Variants in ATP10A observed in about 807,000 individuals in gnomAD.
The protein encoded by ATP10A is phospholipid-transporting ATPase VA.
A neutral mutation model predicts 147.8 loss-of-function variants in ATP10A; 111 were observed. The ratio of observed to expected loss-of-function variants is 0.75; its 90% CI spans 0.64 to 0.88. The LOEUF (loss-of-function observed/expected upper bound fraction) is 0.88. ATP10A is among the 40% of genes least tolerant of loss of function. ATP10A has a pLI of 0.00. For synonymous variants in ATP10A, 875 were observed against 841.6 expected, an observed-to-expected ratio of 1.04 and a Z score of -0.69; for missense variants, 1,927 against 1,959.0, an observed-to-expected ratio of 0.98 and a Z score of 0.31.
rs778885979 is a variant in ATP10A at position 25,679,768 on chromosome 15, T to C, written c.4073A>G (p.Gln1358Arg). The C allele has an allele frequency of 3.1e-6, 5 of 1,613,026 alleles. No individual in the cohort carries two copies. Among genetic ancestry groups the C allele is most frequent in the Admixed American group, 1.7e-5 (1 of 60,004 alleles). ...VPLSQPSWHT[Q>R]QPVCSLEASG... ...GGCCTCCAGGGAGCAGACCGGCTGC[T>C]GTGTGTGCCAAGAAGGCTGGGACAG... is the stretch of plus-strand genomic sequence containing the variant. The change falls in exon 21 of 21, where the codon CAG (glutamine) becomes CGG (arginine). Residue 1358 changes from glutamine (Q) to arginine (R), a missense_variant. By Grantham distance (43) the Gln-to-Arg change is conservative. Coordinates refer to ENST00000555815, the MANE Select transcript of ATP10A (RefSeq NM_024490.4).
chr15:25,735,902 G>A (rs367815746), intron 3 of ATP10A, among the ~76,000 whole-genome samples, 154 bp downstream of exon 3: 1 of 152,298 alleles, frequency 6.6e-6, no homozygotes, highest in South Asian at 2.1e-4. Context: ...TCCAAAAGCA[G>A]CCAAGAAGGC....
intron 4 of ATP10A, among the ~76,000 whole-genome samples, chr15:25,726,482 C>A (rs1567336199): frequency 6.7e-6 from 1 of 150,312 alleles, no homozygotes; most frequent in Non-Finnish European, 1.5e-5. Context: ...TACTCTGTTG[C>A]CCAGGCTGGA....
intron 1 of ATP10A, among the ~76,000 whole-genome samples, chr15:25,787,316 C>T (rs1890216667): frequency 6.6e-6 from 1 of 152,042 alleles, no homozygotes; most frequent in South Asian, 2.1e-4. Flanking sequence ...TATCACTAAG[C>T]TTGAGAAACG....
At chr15:25,744,942 TG>T (rs1375090804) in intron 2 of ATP10A, among the ~76,000 whole-genome samples, 1 of 152,184 alleles carries the variant, frequency 6.6e-6, no homozygotes, top group African/African-American at 2.4e-5. Flanking sequence ...AAACCGCAGA[TG>T]CAAGAACTTT....
rs776813047 is a variant in ATP10A at position 25,680,297 on chromosome 15, G to A, written c.3690C>T (p.Asn1230=). 5 of 1,614,194 alleles carry A rather than the reference G, an allele frequency of 3.1e-6. No homozygotes were observed. ...GGACACTGAAGCCACACGTTATCCA[G>A]TTGAGCCAGGTCTGAGGGGGAATGA... is the stretch of plus-strand genomic sequence containing the variant. ...GIETKTWTWL[N]WITCGFSVLL... is the part of the protein sequence containing the mutation. The change falls in exon 20 of 21, where the codon AAC becomes AAT. Residue 1230 remains asparagine, a synonymous_variant. Transcript: ENST00000555815.
At chr15:25,727,383 T>C in intron 3 of ATP10A, 117 bp from the exon 4 acceptor site, 1 of 932,284 alleles carries the variant, frequency 1.1e-6, no homozygotes, top group Admixed American at 2.1e-5. Flanking sequence ...GCCGCTGGGA[T>C]CTGGACTGGG....
At chr15:25,772,442 G>T (rs28615691) in intron 2 of ATP10A, among the ~76,000 whole-genome samples, 35 of 152,022 alleles carry the variant, frequency 2.3e-4, no homozygotes, top group African/African-American at 8.0e-4. Flanking sequence ...CGTGGCCCAC[G>T]CAGGCTCACT....
intron 8 of ATP10A, 113 bp from the exon 9 acceptor site, chr15:25,717,037 C>A: frequency 1.4e-6 from 1 of 691,486 alleles, no homozygotes; most frequent in Non-Finnish European, 2.2e-6. Flanking sequence ...AGAACTTCAT[C>A]TCTCATATAC....
chr15:25,708,946 C>G (rs938976826), intron 10 of ATP10A: 3 of 152,664 alleles, frequency 2.0e-5, no homozygotes, highest in Admixed American at 6.5e-5. Flanking sequence ...ACACTACTGA[C>G]CAGTCATGAG....
intron 1 of ATP10A, chr15:25,841,686 G>T (rs1221192296): frequency 6.6e-6 from 1 of 151,764 alleles, no homozygotes; most frequent in Non-Finnish European, 1.5e-5. Context: ...TCCGATCCAT[G>T]AACATGGGAA....
chr15:25,796,559 C>T (rs1567390954), intron 1 of ATP10A, among the ~76,000 whole-genome samples: 1 of 152,240 alleles, frequency 6.6e-6, no homozygotes, highest in African/African-American at 2.4e-5. Flanking sequence ...CATGCACAAA[C>T]GTGGTACTCA....
intron 13 of ATP10A, among the ~76,000 whole-genome samples, chr15:25,695,666 A>C (rs1427246276): frequency 6.6e-6 from 1 of 151,932 alleles, no homozygotes; most frequent in African/African-American, 2.4e-5. Context: ...TTTCTCTAAG[A>C]TCTTACTTGA....
chr15:25,783,060 C>T (rs939671732), intron 1 of ATP10A, among the ~76,000 whole-genome samples: 1 of 151,944 alleles, frequency 6.6e-6, no homozygotes, highest in African/African-American at 2.4e-5. Flanking sequence ...CCTGTAGTCC[C>T]AGCTACTTGA....
intron 1 of ATP10A, among the ~76,000 whole-genome samples, chr15:25,803,769 C>T (rs11635604): frequency 0.064 from 9,798 of 152,232 alleles, 640 homozygotes; most frequent in African/African-American, 0.17. Flanking sequence ...CAGTCTTTAC[C>T]ATGATGGACA....
intron 13 of ATP10A, among the ~76,000 whole-genome samples, chr15:25,696,939 TG>T (rs1234351179): frequency 6.6e-6 from 1 of 152,204 alleles, no homozygotes; most frequent in Non-Finnish European, 1.5e-5. Flanking sequence ...CAACAGAGCC[TG>T]TGGTGCTCTG....
At chr15:25,764,082 C>T (rs1406604867) in intron 2 of ATP10A, among the ~76,000 whole-genome samples, 4 of 152,142 alleles carry the variant, frequency 2.6e-5, no homozygotes, top group African/African-American at 9.7e-5. Flanking sequence ...CCAATGGGCA[C>T]ATGAATCCCC....
downstream of ATP10A, among the ~76,000 whole-genome samples, chr15:25,676,123 GTC>G (rs1899131240): frequency 1.3e-5 from 2 of 152,228 alleles, no homozygotes. Flanking sequence ...ACTTATGAAA[GTC>G]TTCATGCCTT....
chr15:25,783,720 G>A (rs1340701248), intron 1 of ATP10A, among the ~76,000 whole-genome samples: 7 of 152,200 alleles, frequency 4.6e-5, no homozygotes, highest in Non-Finnish European at 7.3e-5. Flanking sequence ...GCTAGAGAGC[G>A]CCCTTTGGGG....
intron 1 of ATP10A, among the ~76,000 whole-genome samples, chr15:25,818,816 C>A (rs1372146113): frequency 6.6e-6 from 1 of 152,076 alleles, no homozygotes; most frequent in African/African-American, 2.4e-5. Flanking sequence ...ACAAAGTCGA[C>A]AAAAACGTAA....
Sources: gnomAD v4.1 joint callset for allele counts (sites outside exome capture counted in the v4.1 genomes callset) on GRCh38, gnomAD v4.1.1 for gene constraint, MANE v1.5 for transcripts, NCBI Gene and HGNC (gene_info 2026-07-23, HGNC 2026-07-21) for gene names.